The following TOX variants were observed in gnomAD, a reference collection of about 807,000 sequenced individuals.
TOX encodes the protein thymocyte selection associated high mobility group box.
TOX carries 11 observed loss-of-function variants against 53.7 expected under a neutral mutation model. The ratio of observed to expected loss-of-function variants is 0.20; its 90% CI spans 0.13 to 0.34. The LOEUF (loss-of-function observed/expected upper bound fraction) is 0.34. TOX is among the 10% of genes least tolerant of loss of function. TOX has a pLI of 1.00. For missense variants in TOX, 570 were observed against 664.6 expected, an observed-to-expected ratio of 0.86 and a Z score of 1.56; for synonymous variants, 225 against 245.3, an observed-to-expected ratio of 0.92 and a Z score of 0.77.
intron 1 of TOX, among the ~76,000 whole-genome samples, chr8:59,112,153 C>G (rs1339925179): frequency 2.0e-5 from 3 of 152,188 alleles, no homozygotes; most frequent in Non-Finnish European, 4.4e-5. Flanking sequence ...GAATTACCCT[C>G]CCTTCTCGTC....
chr8:58,947,517 A>G (rs774084588), intron 2 of TOX, among the ~76,000 whole-genome samples: 4 of 152,206 alleles, frequency 2.6e-5, no homozygotes, highest in Non-Finnish European at 5.9e-5. Context: ...TTATTACATT[A>G]CTTAATTCCT....
chr8:58,927,107 C>T (rs1812176160), intron 3 of TOX, among the ~76,000 whole-genome samples: 1 of 150,630 alleles, frequency 6.6e-6, no homozygotes, highest in African/African-American at 2.5e-5. Flanking sequence ...ACTGATTTGT[C>T]AAAGTCACCC....
At chr8:58,879,661 C>T (rs1033453677) in intron 3 of TOX, among the ~76,000 whole-genome samples, 2 of 152,140 alleles carry the variant, frequency 1.3e-5, no homozygotes, top group African/African-American at 4.8e-5. Context: ...TGCCACAGTA[C>T]GTTCCCTGCA....
intron 2 of TOX, among the ~76,000 whole-genome samples, chr8:58,951,953 A>G (rs1264669347): frequency 6.6e-6 from 1 of 152,254 alleles, no homozygotes; most frequent in Non-Finnish European, 1.5e-5. Flanking sequence ...AAAATAATAT[A>G]GATCAGAAAG....
intron 1 of TOX, among the ~76,000 whole-genome samples, chr8:59,107,782 T>G (rs1185575641): frequency 2.0e-5 from 3 of 152,206 alleles, no homozygotes; most frequent in African/African-American, 7.2e-5. Flanking sequence ...GAACGTATTC[T>G]GAAAGCCTAT....
intron 1 of TOX, among the ~76,000 whole-genome samples, chr8:59,084,209 A>G (rs1381848503): frequency 1.3e-5 from 2 of 152,166 alleles, no homozygotes; most frequent in Non-Finnish European, 2.9e-5. Context: ...TTTTTACTTG[A>G]ATTATGAAAG....
intron 3 of TOX, among the ~76,000 whole-genome samples, chr8:58,852,431 T>C (rs1810839997): frequency 1.3e-5 from 2 of 152,210 alleles, no homozygotes; most frequent in African/African-American, 2.4e-5. Flanking sequence ...ACAGTCAGAC[T>C]TGAAAGTAAA....
At chr8:58,859,876 TC>T (rs146068391) in intron 3 of TOX, among the ~76,000 whole-genome samples, 9,732 of 152,154 alleles carry the variant, frequency 0.064, 344 homozygotes, top group East Asian at 0.12. Flanking sequence ...GTACATCGTC[TC>T]CCAGGGATGA....
intron 1 of TOX, among the ~76,000 whole-genome samples, chr8:59,046,089 A>G (rs762718256): frequency 6.6e-5 from 10 of 152,186 alleles, no homozygotes; most frequent in Non-Finnish European, 1.2e-4. Context: ...TTAGGAAACT[A>G]TAACAGTTAC....
intron 1 of TOX, among the ~76,000 whole-genome samples, chr8:59,012,921 TAAAAA>T (rs373043305): frequency 8.1e-6 from 1 of 123,350 alleles, no homozygotes; most frequent in African/African-American, 3.1e-5. Context: ...TCCCATAGGT[TAAAAA>T]AAAAAAAAAA....
At chr8:58,940,581 T>C (rs1482206356) in intron 2 of TOX, among the ~76,000 whole-genome samples, 1 of 152,182 alleles carries the variant, frequency 6.6e-6, no homozygotes, top group Non-Finnish European at 1.5e-5. Flanking sequence ...GTCCAGATAA[T>C]TCTCGCAAGC....
Position 59,117,231 on chromosome 8 carries a change from CA to C in TOX, c.102+1654del, listed in dbSNP as rs1469419247. 6.6e-6 allele frequency among the ~76,000 whole-genome samples: 1 copy of C among 152,118 alleles called. No homozygotes were observed. The highest frequency in any genetic ancestry group is 2.4e-5 in the African/African-American group (1 of 41,418). On this transcript the variant is annotated intron_variant, in intron 1 of 8. Transcript: ENST00000361421. This position sits in a 1 kb window ranked among gnomAD's most constrained non-coding sequence, Gnocchi z 4.6. Reference sequence around the variant, plus strand: ...TTAGCAATAGTATTGGTGTCATAAGCAAAATAAAACGTAACACAATACTTGA... The same window carrying C: ...TTAGCAATAGTATTGGTGTCATAAGCAAATAAAACGTAACACAATACTTGA...
chr8:59,102,896 C>T (rs1804831024), intron 1 of TOX, among the ~76,000 whole-genome samples: 1 of 152,082 alleles, frequency 6.6e-6, no homozygotes, highest in South Asian at 2.1e-4. Flanking sequence ...CCACTTCACC[C>T]CCAAACTATC....
intron 1 of TOX, among the ~76,000 whole-genome samples, chr8:59,000,138 T>A (rs1246389351): frequency 6.6e-6 from 1 of 152,116 alleles, no homozygotes; most frequent in Non-Finnish European, 1.5e-5. Flanking sequence ...AGAAATCTAC[T>A]ATGTACAGGG....
intron 2 of TOX, among the ~76,000 whole-genome samples, chr8:58,941,361 T>C (rs1214826139): frequency 6.6e-6 from 1 of 152,204 alleles, no homozygotes; most frequent in Non-Finnish European, 1.5e-5. Context: ...GTAGCTATTA[T>C]TACCCCCAGT....
intron 3 of TOX, among the ~76,000 whole-genome samples, chr8:58,893,130 T>C (rs1811585507): frequency 6.6e-6 from 1 of 152,218 alleles, no homozygotes; most frequent in Non-Finnish European, 1.5e-5. Context: ...GCTTTGTGTC[T>C]ACAGTAATTT....
intron 2 of TOX, among the ~76,000 whole-genome samples, chr8:58,950,349 G>T (rs1812601692): frequency 6.6e-6 from 1 of 152,108 alleles, no homozygotes; most frequent in Non-Finnish European, 1.5e-5. Context: ...CTCACATTCT[G>T]CATAAAGAAG....
intron 7 of TOX, among the ~76,000 whole-genome samples, chr8:58,808,971 G>A (rs1293881375): frequency 6.6e-6 from 1 of 152,216 alleles, no homozygotes; most frequent in Non-Finnish European, 1.5e-5. Flanking sequence ...CAGACTTCAG[G>A]AAGATTCTTC....
chr8:59,054,902 A>AAAAGAAAGAAAGAG (rs769652754), intron 1 of TOX, among the ~76,000 whole-genome samples: 1 of 149,178 alleles, frequency 6.7e-6, no homozygotes, highest in East Asian at 2.0e-4. Context: ...GAGAAAGGAA[A>AAAAGAAAGAAAGAG]AAAGAAAGAA....
Sources: gnomAD v4.1 joint callset for allele counts (sites outside exome capture counted in the v4.1 genomes callset) on GRCh38, gnomAD v4.1.1 for gene constraint, Gnocchi (gnomAD v3.1) non-coding constraint, MANE v1.5 for transcripts, NCBI Gene and HGNC (gene_info 2026-07-23, HGNC 2026-07-21) for gene names.